The following ESRRB variants were observed in gnomAD, a reference collection of about 807,000 sequenced individuals.
ESRRB encodes the protein steroid hormone receptor ERR2.
In ESRRB, 16 loss-of-function variants were observed where a neutral mutation model predicts 46.0. The ratio of observed to expected loss-of-function variants is 0.35; its 90% CI spans 0.24 to 0.53. The LOEUF is 0.53. ESRRB is among the 20% of genes least tolerant of loss of function. The probability of loss-of-function intolerance (pLI) is 0.93; values close to 1 mark genes in which losing one functional copy is unlikely to be tolerated. For synonymous variants in ESRRB, 246 were observed against 259.6 expected (o/e 0.95, Z 0.50); for missense variants, 488 against 607.4 (o/e 0.80, Z 2.07).
chr14:76,448,200 T>C (rs192065907), intron 2 of ESRRB, among the ~76,000 whole-genome samples: 61 of 152,174 alleles, frequency 4.0e-4, no homozygotes, highest in African/African-American at 1.4e-3. Flanking sequence ...CTCTCATTCC[T>C]CCTGGATGCC....
At chr14:76,419,947 A>G (rs932070600) in intron 1 of ESRRB, among the ~76,000 whole-genome samples, 1 of 152,092 alleles carries the variant, frequency 6.6e-6, no homozygotes, top group Admixed American at 6.6e-5. Flanking sequence ...GGTCTGTCTC[A>G]TGGGTCAGGA....
At chr14:76,386,846 C>A (rs531250419) in intron 1 of ESRRB, among the ~76,000 whole-genome samples, 1 of 152,276 alleles carries the variant, frequency 6.6e-6, no homozygotes, top group African/African-American at 2.4e-5. Flanking sequence ...AATAAATCTG[C>A]TGAATGAGGT....
Position 76,439,759 on chromosome 14 carries a change from T to G in ESRRB, c.460+9T>G, listed in dbSNP as rs1157166394. Reference sequence around the variant, plus strand: ...CAAGAGGACTATCCAAGGTGCGTGGTGGGCCTCAAGGAGCCTGGGCGCAGG... The same window carrying G: ...CAAGAGGACTATCCAAGGTGCGTGGGGGGCCTCAAGGAGCCTGGGCGCAGG... On this transcript the variant is annotated intron_variant, in intron 2 of 6. Transcript: ENST00000644823. 1 of 1,612,480 alleles carries G rather than the reference T, an allele frequency of 6.2e-7. No homozygotes were observed. The highest frequency in any genetic ancestry group is 1.7e-5 in the Admixed American group (1 of 59,986).
At chr14:76,485,650 AG>A (rs879402806) in intron 5 of ESRRB, among the ~76,000 whole-genome samples, 31 of 151,618 alleles carry the variant, frequency 2.0e-4, no homozygotes, top group African/African-American at 2.2e-4. Flanking sequence ...AGAGAGAGAG[AG>A]AGAGAGAGAA....
intron 1 of ESRRB, among the ~76,000 whole-genome samples, chr14:76,357,098 CT>C (rs1481695679): frequency 1.4e-5 from 2 of 141,534 alleles, no homozygotes; most frequent in Non-Finnish European, 3.2e-5. Context: ...GTATCCGCCA[CT>C]CCTCCCCAAT....
intron 5 of ESRRB, among the ~76,000 whole-genome samples, chr14:76,489,217 G>T (rs1175225479): frequency 6.6e-6 from 1 of 151,628 alleles, no homozygotes; most frequent in African/African-American, 2.4e-5. Context: ...CCTCCAGTCT[G>T]TCTGCTTTTA....
intron 1 of ESRRB, among the ~76,000 whole-genome samples, chr14:76,324,238 C>T (rs1181499058): frequency 6.6e-6 from 1 of 152,192 alleles, no homozygotes; most frequent in African/African-American, 2.4e-5. Flanking sequence ...AGAGTTGTCC[C>T]ACCTTGAGGC....
intron 1 of ESRRB, among the ~76,000 whole-genome samples, chr14:76,361,073 G>A (rs1168320520): frequency 2.6e-5 from 4 of 152,226 alleles, no homozygotes; most frequent in Non-Finnish European, 5.9e-5. Flanking sequence ...GCAGGTGTTG[G>A]ACAGGGAGCT....
At chr14:76,467,153 C>T (rs1889152043) in intron 3 of ESRRB, among the ~76,000 whole-genome samples, 1 of 152,180 alleles carries the variant, frequency 6.6e-6, no homozygotes, top group Non-Finnish European at 1.5e-5. Flanking sequence ...TTGGCAGAAT[C>T]CACTATGGGA....
At chr14:76,460,892 G>A (rs112126755) in intron 2 of ESRRB, among the ~76,000 whole-genome samples, 1 of 151,956 alleles carries the variant, frequency 6.6e-6, no homozygotes, top group Non-Finnish European at 1.5e-5. Flanking sequence ...TTTTAGTAGA[G>A]ACAGGGTTTC....
Position 76,482,539 on chromosome 14 carries a change from C to T in ESRRB, c.689-59C>T, listed in dbSNP as rs1014521463. ...TTTGCTTCCTGACCCATCTGAGCCT[C>T]CACCCCGGCCCCTTTCCTCTTTTCC... On this transcript the variant is annotated intron_variant, in intron 4 of 6. Transcript: ENST00000644823. The surrounding 1 kb of genome is among the most constrained non-coding windows in gnomAD (Gnocchi z 4.3). The T allele has an allele frequency of 1.1e-5, 17 of 1,601,532 alleles. No homozygotes were observed. The highest frequency in any genetic ancestry group is 8.3e-5 in the Admixed American group (5 of 59,910).
In ESRRB at chr14:76,490,041, G is replaced by T. The variant is rs561578139; in HGVS notation, c.851-1406G>T. Among the ~76,000 whole-genome samples the T allele has an allele frequency of 4.6e-5, 7 of 152,366 alleles. No homozygotes were observed. In the East Asian group the frequency reaches 1.4e-3, roughly 29 times the overall value. On this transcript the variant is annotated intron_variant, in intron 5 of 6. Coordinates refer to ENST00000644823, the MANE Select transcript of ESRRB (RefSeq NM_001379180.1). ...CCCCCACAGCACCCCACATCAGAAA[G>T]TGGCTTCCAGCCAAGGATGGGGTCT...
At chr14:76,453,677 C>T (rs1277482259) in intron 2 of ESRRB, among the ~76,000 whole-genome samples, 1 of 150,802 alleles carries the variant, frequency 6.6e-6, no homozygotes, top group Non-Finnish European at 1.5e-5. Flanking sequence ...TGCTCACTGC[C>T]GCCTCAGCCT....
intron 1 of ESRRB, among the ~76,000 whole-genome samples, chr14:76,393,549 CAT>C (rs1885552132): frequency 6.6e-6 from 1 of 152,146 alleles, no homozygotes; most frequent in South Asian, 2.1e-4. Flanking sequence ...AAGAAGAAAA[CAT>C]TACCTGGGAT....
intron 2 of ESRRB, among the ~76,000 whole-genome samples, chr14:76,454,630 T>C (rs925739982): frequency 2.0e-5 from 3 of 152,076 alleles, no homozygotes; most frequent in Non-Finnish European, 2.9e-5. Context: ...TTATACTTAC[T>C]GACAGTTCAG....
upstream of ESRRB, among the ~76,000 whole-genome samples, chr14:76,368,725 G>T (rs547303326): frequency 3.0e-4 from 46 of 152,168 alleles, no homozygotes; most frequent in Non-Finnish European, 6.3e-4. Flanking sequence ...GAAGAATAAA[G>T]ATGTTATGGA....
At chr14:76,313,943 C>G (rs964813790) in intron 1 of ESRRB, among the ~76,000 whole-genome samples, 2 of 151,586 alleles carry the variant, frequency 1.3e-5, no homozygotes, top group South Asian at 2.1e-4. Flanking sequence ...AATAGTGGAG[C>G]GGTGGAGGGC....
At chr14:76,497,638 C>G (rs1468426092) in intron 6 of ESRRB, among the ~76,000 whole-genome samples, 1 of 152,170 alleles carries the variant, frequency 6.6e-6, no homozygotes, top group Non-Finnish European at 1.5e-5. Flanking sequence ...ATTCTGTGTC[C>G]TATAACCAGA....
chr14:76,477,641 T>C lies in ESRRB; in HGVS notation c.578-4375T>C, dbSNP rs141343390. Among the ~76,000 whole-genome samples the C allele has an allele frequency of 2.8e-4, 42 of 152,324 alleles. No homozygotes were observed. In the East Asian group the frequency reaches 7.5e-3, roughly 27 times the overall value. On this transcript the variant is annotated intron_variant, in intron 3 of 6. Transcript: ENST00000644823. ...CCCATGGGCTGCAGTGATTGTGGGC[T>C]GTGCTTAGGGCAGGCTCAGAAGAGC...
Sources: allele counts gnomAD v4.1 joint callset (sites outside exome capture counted in the v4.1 genomes callset), GRCh38; gene constraint gnomAD v4.1.1; non-coding constraint Gnocchi (gnomAD v3.1); transcripts MANE v1.5; gene names NCBI Gene and HGNC (gene_info 2026-07-23, HGNC 2026-07-21).